Variants in EI24 observed in about 807,000 individuals in gnomAD.
EI24 encodes EI24 autophagy associated transmembrane protein.
In EI24, 21 loss-of-function variants were observed where a neutral mutation model predicts 48.6. The observed-to-expected ratio is 0.43, with a 90% CI of 0.31 to 0.62. The LOEUF is 0.62. Among genes scored for constraint, EI24 ranks in the 20% least tolerant of loss-of-function variants. EI24 has a pLI of 0.10. For synonymous variants in EI24, 114 were observed against 145.5 expected (o/e 0.78, Z 1.56); for missense variants, 280 against 410.5 (o/e 0.68, Z 2.75).
At chr11:125,572,914 T>A (rs1335873537) in intron 2 of EI24, among the ~76,000 whole-genome samples, 1 of 151,878 alleles carries the variant, frequency 6.6e-6, no homozygotes, top group African/African-American at 2.4e-5. Flanking sequence ...AGTTCCTGTA[T>A]GTCCTTCATC....
intron 6 of EI24, among the ~76,000 whole-genome samples, chr11:125,578,480 CTTTTTTTTTTT>C (rs370986926): frequency 3.5e-5 from 3 of 84,690 alleles, no homozygotes; most frequent in East Asian, 3.7e-4. Flanking sequence ...TTCGTTTTGG[CTTTTTTTTTTT>C]TTTTTTTTTT....
At chr11:125,578,480 CTTTTTTTTTT>C (rs370986926) in intron 6 of EI24, among the ~76,000 whole-genome samples, 1 of 84,694 alleles carries the variant, frequency 1.2e-5, no homozygotes, top group Non-Finnish European at 2.2e-5. Flanking sequence ...TTCGTTTTGG[CTTTTTTTTTT>C]TTTTTTTTTT....
At chr11:125,577,477 G>A in intron 4 of EI24, 27 bp from the exon 5 acceptor site, 1 of 1,598,886 alleles carries the variant, frequency 6.3e-7, no homozygotes, top group Non-Finnish European at 8.5e-7. Context: ...GGATTTTGAT[G>A]TTTGCCTTGT....
rs1007542948 is a variant in EI24, at chr11:125,584,240, A to T, written c.*557A>T. On this transcript the variant is annotated 3_prime_UTR_variant, in exon 11 of 11. Coordinates refer to ENST00000278903, the MANE Select transcript of EI24 (RefSeq NM_004879.5). Reference sequence around the variant, plus strand: ...CTCTTGCTCCACTGCAAAAAAAAAAAAAAAAAAAAAAAAAAAAAAAAAGCC... The same window carrying T: ...CTCTTGCTCCACTGCAAAAAAAAAATAAAAAAAAAAAAAAAAAAAAAAGCC... 1 of 143,126 alleles carries T rather than the reference A, an allele frequency of 7.0e-6. No individual in the cohort carries two copies. Among genetic ancestry groups the T allele is most frequent in the Non-Finnish European group, 1.5e-5 (1 of 65,402 alleles). 8.9% of individuals were successfully genotyped at this position (143,126 alleles called of 1,614,324 possible).
chr11:125,580,564 C>T (rs1362728377), intron 8 of EI24, among the ~76,000 whole-genome samples: 3 of 152,058 alleles, frequency 2.0e-5, no homozygotes, highest in Admixed American at 6.6e-5. Context: ...CCAGGGTGTG[C>T]GTGGTTGAAA....
chr11:125,582,456 A>C (rs1028079665), intron 10 of EI24, 36 bp downstream of exon 10: 7 of 1,526,048 alleles, frequency 4.6e-6, no homozygotes, highest in Non-Finnish European at 6.2e-6. Context: ...TTTGCTGTGT[A>C]AAGGGTTGGG....
intron 3 of EI24, chr11:125,575,962 A>G (rs1244256492): frequency 5.2e-6 from 2 of 384,882 alleles, no homozygotes; most frequent in Admixed American, 3.8e-5. Flanking sequence ...CTAATTTTTT[A>G]TATTCTTTAG....
intron 2 of EI24, among the ~76,000 whole-genome samples, chr11:125,573,088 TAG>T (rs1428309202): frequency 6.6e-6 from 1 of 152,112 alleles, no homozygotes; most frequent in African/African-American, 2.4e-5. Context: ...CTGTTAAAAG[TAG>T]AGACGAAGTT....
chr11:125,572,601 C>T (rs747992465), intron 2 of EI24, 32 bp downstream of exon 2: 1 of 1,593,528 alleles, frequency 6.3e-7, no homozygotes, highest in Non-Finnish European at 8.5e-7. Context: ...GAATTCATCT[C>T]TCGGCCTTTT....
In EI24 at chr11:125,583,778, C is replaced by T. The variant is rs554280187; in HGVS notation, c.*95C>T. 1.9e-5 allele frequency: 29 copies of T among 1,521,948 alleles called. No individual in the cohort carries two copies. In the South Asian group the frequency reaches 1.9e-4, roughly 10 times the overall value. The allele number at this position is 1,521,948 out of a possible 1,614,324, so 94.3% of individuals were successfully genotyped here. Reference sequence around the variant, plus strand: ...CCCGCCTGCCAGGGAAGGCAGGACCCGCTCTGCCAAGGGCCCTCTGCGTAT... The same window carrying T: ...CCCGCCTGCCAGGGAAGGCAGGACCTGCTCTGCCAAGGGCCCTCTGCGTAT... On this transcript the variant is annotated 3_prime_UTR_variant, in exon 11 of 11. Coordinates refer to ENST00000278903, the MANE Select transcript of EI24 (RefSeq NM_004879.5).
intron 1 of EI24, among the ~76,000 whole-genome samples, chr11:125,570,708 GTT>G (rs1040287421): frequency 6.6e-6 from 1 of 152,144 alleles, no homozygotes; most frequent in Admixed American, 6.5e-5. Context: ...AGAATTTTAA[GTT>G]TTTTTCATGC....
Position 125,580,116 on chromosome 11 carries a change from C to G in EI24, c.585C>G (p.Pro195=). ...LIQGMFVSLF[P]IHLVGQLVSL... is the part of the protein sequence containing the mutation. ...AGGGAATGTTTGTGAGTCTCTTTCC[C>G]ATCCATCTTGTCGGTCAGCTGGTTA... Residue 195 remains proline (P), a synonymous_variant, in exon 8 of 11, where the codon CCC becomes CCG. Transcript: ENST00000278903. The G allele has an allele frequency of 1.2e-6, 2 of 1,613,702 alleles. No individual in the cohort carries two copies. Among genetic ancestry groups the G allele is most frequent in the Non-Finnish European group, 1.7e-6 (2 of 1,179,616 alleles).
At chr11:125,580,057 G>A in intron 7 of EI24, 36 bp from the exon 8 acceptor site, 1 of 1,522,678 alleles carries the variant, frequency 6.6e-7, no homozygotes, top group Non-Finnish European at 9.1e-7. Context: ...GGTTTCCGAG[G>A]CTTTGGGATT....
intron 6 of EI24, 30 bp downstream of exon 6, chr11:125,578,287 C>A: frequency 6.2e-7 from 1 of 1,613,020 alleles, no homozygotes; most frequent in Admixed American, 1.7e-5. Flanking sequence ...GAGTCTGGGT[C>A]CCGCAGCATG....
At chr11:125,575,710 C>T (rs1938715350) in intron 3 of EI24, 1 of 235,690 alleles carries the variant, frequency 4.2e-6, no homozygotes, top group African/African-American at 2.3e-5. Flanking sequence ...CACACTTTCT[C>T]TTAATCTTTT....
At chr11:125,572,028 T>C (rs1278252226) in intron 1 of EI24, among the ~76,000 whole-genome samples, 1 of 152,230 alleles carries the variant, frequency 6.6e-6, no homozygotes, top group Non-Finnish European at 1.5e-5. Context: ...TCTTGTATTT[T>C]CATTCAAGTA....
intron 9 of EI24, 144 bp from the exon 10 acceptor site, chr11:125,582,198 CAAAA>C: frequency 3.2e-6 from 2 of 634,770 alleles, no homozygotes; most frequent in Middle Eastern, 3.4e-4. Context: ...GACTCCATCT[CAAAA>C]AAAAAAATGT....
rs1349562908 is a variant in EI24, at chr11:125,581,299, A to C, written c.762A>C (p.Ala254=). 6.2e-7 allele frequency: 1 copy of C among 1,608,352 alleles called. No homozygotes were observed. Among genetic ancestry groups the C allele is most frequent in the Admixed American group, 1.7e-5 (1 of 59,858 alleles). The change falls in exon 9 of 11, where the codon GCA becomes GCC. Residue 254 remains alanine, a synonymous_variant. Transcript: ENST00000278903. ...GFGLPLAFLT[A]MQSSYIISGC... The stretch of plus-strand genomic sequence containing the variant: ...GTTTGCCCTTGGCTTTTCTCACAGC[A>C]ATGCAGTCCTCATATATTATCAGGT...
At chr11:125,579,171 T>TTA (rs1938882501) in intron 7 of EI24, 103 bp downstream of exon 7, 13 of 1,072,526 alleles carry the variant, frequency 1.2e-5, no homozygotes, top group Non-Finnish European at 1.5e-5. Context: ...ATACAGAGTA[T>TTA]TATATATATG....
Sources: allele counts gnomAD v4.1 joint callset (sites outside exome capture counted in the v4.1 genomes callset), GRCh38; gene constraint gnomAD v4.1.1; transcripts MANE v1.5; gene names NCBI Gene and HGNC (gene_info 2026-07-23, HGNC 2026-07-21).